SLC13A3: variants seen among roughly 807,000 people sequenced by gnomAD.
SLC13A3 encodes solute carrier family 13 member 3, also known as Na(+)/dicarboxylate cotransporter 3.
Under a neutral mutation model 59.0 loss-of-function variants are expected in SLC13A3, and 40 were observed. The ratio of observed to expected loss-of-function variants is 0.68; its 90% CI spans 0.53 to 0.88. The LOEUF (loss-of-function observed/expected upper bound fraction) is 0.88. Ranked by LOEUF, SLC13A3 falls within the 40% of genes least tolerant of loss-of-function variation. The probability of loss-of-function intolerance (pLI) is 0.00; values close to 1 mark genes in which losing one functional copy is unlikely to be tolerated. For missense variants in SLC13A3, 699 were observed against 783.2 expected (o/e 0.89, Z 1.28); for synonymous variants, 317 against 330.3 (o/e 0.96, Z 0.44).
intron 12 of SLC13A3, 22 bp downstream of exon 12, chr20:46,563,392 G>T: frequency 6.2e-7 from 1 of 1,609,216 alleles, no homozygotes; most frequent in South Asian, 1.1e-5. Context: ...CGGGGCCTCT[G>T]CTGGGAAATG....
chr20:46,612,661 T>C (rs1368981425), intron 2 of SLC13A3, among the ~76,000 whole-genome samples: 4 of 152,192 alleles, frequency 2.6e-5, no homozygotes, highest in Non-Finnish European at 5.9e-5. Context: ...TTTCAAACTC[T>C]GTTGTGCATT....
At chr20:46,661,502 C>T (rs1468256736) in intron 1 of SLC13A3, among the ~76,000 whole-genome samples, 1 of 152,144 alleles carries the variant, frequency 6.6e-6, no homozygotes. Context: ...TAGGAATCTG[C>T]CTTTGCTTCC....
At chr20:46,623,642 G>A (rs1238048306) in intron 1 of SLC13A3, among the ~76,000 whole-genome samples, 2 of 152,150 alleles carry the variant, frequency 1.3e-5, no homozygotes, top group African/African-American at 2.4e-5. Context: ...CCAGGGTAGT[G>A]TTGCAGCTTA....
At chr20:46,591,177 TAAATAAATAA>T (rs1278964132) in intron 6 of SLC13A3, among the ~76,000 whole-genome samples, 6 of 147,824 alleles carry the variant, frequency 4.1e-5, no homozygotes, top group Non-Finnish European at 9.0e-5. Flanking sequence ...AATAAATAAA[TAAATAAATAA>T]ATAAATAAAC....
At position 46,577,373 on chromosome 20, in the gene SLC13A3, A is replaced by G. The variant is rs552281451; in HGVS notation, c.1220-1688T>C. Reference sequence around the variant, plus strand: ...TACCTTGAGGGGATTCTTGGGCCAAATGCAACATACACTTAAGCCCAGAAC... The same window carrying G: ...TACCTTGAGGGGATTCTTGGGCCAAGTGCAACATACACTTAAGCCCAGAAC... On this transcript the variant is annotated intron_variant, in intron 9 of 12. Transcript: ENST00000279027. Among the ~76,000 whole-genome samples, 18 of 152,354 alleles carry G rather than the reference A, an allele frequency of 1.2e-4. No homozygotes were observed. In the South Asian group the frequency reaches 3.7e-3, roughly 32 times the overall value.
At chr20:46,590,795 G>A (rs1433556518) in intron 6 of SLC13A3, among the ~76,000 whole-genome samples, 1 of 152,070 alleles carries the variant, frequency 6.6e-6, no homozygotes, top group Non-Finnish European at 1.5e-5. Flanking sequence ...CCCACTTCTG[G>A]AAATGTATCT....
At chr20:46,670,424 C>A (rs1249699102), upstream of SLC13A3, among the ~76,000 whole-genome samples, 2 of 152,210 alleles carry the variant, frequency 1.3e-5, no homozygotes, top group Non-Finnish European at 2.9e-5. Flanking sequence ...GTAGTCCCCT[C>A]CCACACTGAC....
Position 46,559,244 on chromosome 20 carries a change from G to A in SLC13A3, c.*778C>T, listed in dbSNP as rs2061910558. ...CTGGAGGGGTCATGAGTCACCCCAT[G>A]GGAGGGCAGGACCCAGGCCTGGCCT... On this transcript the variant is annotated 3_prime_UTR_variant, in exon 13 of 13. Coordinates refer to ENST00000279027, the MANE Select transcript of SLC13A3 (RefSeq NM_022829.6). The A allele has an allele frequency of 6.6e-6, 1 of 152,216 alleles. No homozygotes were observed. The highest frequency in any genetic ancestry group is 6.5e-5 in the Admixed American group (1 of 15,278). The allele number at this position is 152,216 out of a possible 1,614,324, so 9.4% of individuals were successfully genotyped here. A position where few individuals can be genotyped will look rare whatever the true frequency, so the allele number is the denominator to read the frequency against.
intron 8 of SLC13A3, among the ~76,000 whole-genome samples, chr20:46,586,290 C>T (rs369751823): frequency 1.3e-5 from 2 of 152,128 alleles, no homozygotes; most frequent in Admixed American, 6.5e-5. Context: ...TGCCCACTCA[C>T]GCTTCTTAAA....
intron 1 of SLC13A3, among the ~76,000 whole-genome samples, chr20:46,680,792 G>T (rs1328084234): frequency 6.6e-6 from 1 of 152,160 alleles, no homozygotes; most frequent in Non-Finnish European, 1.5e-5. Context: ...CATCTCCTGT[G>T]TCCTCCATGC....
intron 10 of SLC13A3, 73 bp from the exon 11 acceptor site, chr20:46,566,463 G>T (rs1377948585): frequency 6.6e-7 from 1 of 1,510,838 alleles, no homozygotes; most frequent in Non-Finnish European, 9.0e-7. Context: ...GGTTAGGATA[G>T]ATCACAACAA....
chr20:46,649,740 G>A (rs1418864019), intron 1 of SLC13A3, among the ~76,000 whole-genome samples: 1 of 152,188 alleles, frequency 6.6e-6, no homozygotes, highest in East Asian at 1.9e-4. Context: ...AAAGTGGCCT[G>A]GGGTGGGCTG....
chr20:46,594,621 T>C (rs545100575), intron 5 of SLC13A3, among the ~76,000 whole-genome samples: 158 of 152,286 alleles, frequency 1.0e-3, no homozygotes, highest in Middle Eastern at 3.4e-3. Context: ...GTCACTGAGC[T>C]AAAACCAGAA....
chr20:46,599,532 T>C (rs147213948), intron 4 of SLC13A3, among the ~76,000 whole-genome samples: 269 of 152,382 alleles, frequency 1.8e-3, no homozygotes, highest in African/African-American at 6.3e-3. Flanking sequence ...GTAGACTAAA[T>C]GCGATTTCAA....
chr20:46,630,065 T>C (rs988082589), intron 1 of SLC13A3, among the ~76,000 whole-genome samples: 1 of 152,210 alleles, frequency 6.6e-6, no homozygotes, highest in African/African-American at 2.4e-5. Flanking sequence ...GCATTGGCTC[T>C]GTTGACTATC....
intron 1 of SLC13A3, among the ~76,000 whole-genome samples, chr20:46,663,358 T>C (rs1012315751): frequency 3.3e-5 from 5 of 151,722 alleles, no homozygotes; most frequent in Non-Finnish European, 5.9e-5. Context: ...AGTGGGAGGA[T>C]TGATTAAGCC....
chr20:46,677,195 C>T (rs1346516288), intron 1 of SLC13A3, among the ~76,000 whole-genome samples: 3 of 152,190 alleles, frequency 2.0e-5, no homozygotes, highest in South Asian at 2.1e-4. Context: ...ATTACAAGCA[C>T]AAGCCACCAC....
chr20:46,561,289 T>C (rs1337504820), intron 12 of SLC13A3, among the ~76,000 whole-genome samples: 1 of 152,208 alleles, frequency 6.6e-6, no homozygotes, highest in East Asian at 1.9e-4. Context: ...ATGTATAAAA[T>C]CAAGCTGTGC....
intron 10 of SLC13A3, among the ~76,000 whole-genome samples, chr20:46,573,040 C>T (rs1203727871): frequency 1.3e-5 from 2 of 152,198 alleles, no homozygotes; most frequent in Non-Finnish European, 2.9e-5. Flanking sequence ...GTTACTTAAC[C>T]TCTCTGTGTC....
Sources: gnomAD v4.1 joint callset for allele counts (sites outside exome capture counted in the v4.1 genomes callset) on GRCh38, gnomAD v4.1.1 for gene constraint, MANE v1.5 for transcripts, NCBI Gene and HGNC (gene_info 2026-07-23, HGNC 2026-07-21) for gene names.